The following KCNH4 variants were observed in gnomAD, a reference collection of about 807,000 sequenced individuals.
KCNH4 encodes the protein voltage-gated delayed rectifier potassium channel KCNH4.
A neutral mutation model predicts 90.7 loss-of-function variants in KCNH4; 33 were observed. That is an observed-to-expected ratio of 0.36 (90% CI 0.28 to 0.49). KCNH4 has a LOEUF of 0.49. KCNH4 is among the 20% of genes least tolerant of loss of function. The pLI is 0.98. For missense variants in KCNH4, 1,044 were observed against 1,387.1 expected, an observed-to-expected ratio of 0.75 and a Z score of 3.93; for synonymous variants, 551 against 581.7, an observed-to-expected ratio of 0.95 and a Z score of 0.76.
chr17:42,167,590 C>G (rs1478080182), intron 9 of KCNH4, among the ~76,000 whole-genome samples: 1 of 152,106 alleles, frequency 6.6e-6, no homozygotes, highest in African/African-American at 2.4e-5. Context: ...ATCTACCTAC[C>G]GGGCAGCCTC....
chr17:42,176,788 G>A (rs2079865151), intron 4 of KCNH4, among the ~76,000 whole-genome samples: 1 of 152,054 alleles, frequency 6.6e-6, no homozygotes, highest in Non-Finnish European at 1.5e-5. Flanking sequence ...CTCCCAAAGT[G>A]CTAGGATTAC....
At chr17:42,173,794 G>T (rs949267439) in intron 6 of KCNH4, among the ~76,000 whole-genome samples, 1 of 128,372 alleles carries the variant, frequency 7.8e-6, no homozygotes, top group Non-Finnish European at 1.6e-5. Context: ...TCTGCCTCCC[G>T]GGTTCAGACC....
At chr17:42,165,127 A>AAAAAAC (rs957103878) in intron 11 of KCNH4, among the ~76,000 whole-genome samples, 3 of 151,972 alleles carry the variant, frequency 2.0e-5, no homozygotes, top group East Asian at 3.9e-4. Context: ...ACAAAACCCA[A>AAAAAAC]AAAAACAAAA....
At chr17:42,173,207 G>A (rs1046945193) in intron 6 of KCNH4, among the ~76,000 whole-genome samples, 2 of 151,984 alleles carry the variant, frequency 1.3e-5, no homozygotes, top group Non-Finnish European at 2.9e-5. Context: ...AGTGCCTGGG[G>A]AACTTGGTAT....
chr17:42,159,255 G>T (rs1267079434), intron 16 of KCNH4, among the ~76,000 whole-genome samples: 1 of 152,188 alleles, frequency 6.6e-6, no homozygotes, highest in East Asian at 1.9e-4. Flanking sequence ...TCGAACTCCT[G>T]ACCTCAGGTG....
chr17:42,178,616 C>G (rs1422230697), intron 2 of KCNH4, 139 bp from the exon 3 acceptor site: 12 of 1,234,884 alleles, frequency 9.7e-6, no homozygotes, highest in African/African-American at 6.1e-5. Flanking sequence ...ATTCTGTCAG[C>G]CGATTCCTTC....
At position 42,180,172 on chromosome 17, in the gene KCNH4, C is replaced by G. The variant is rs2079891260; in HGVS notation, c.76+698G>C. On this transcript the variant is annotated intron_variant, in intron 1 of 16. Coordinates refer to ENST00000264661, the MANE Select transcript of KCNH4 (RefSeq NM_012285.3). This position sits in a 1 kb window ranked among gnomAD's most constrained non-coding sequence, Gnocchi z 4.7. ...TACCGCTCCCCCACCATCCAGATCCCGGCCAGGGTTCCCGAGGGAATGGCG... is the reference window on the plus strand; with the variant it reads ...TACCGCTCCCCCACCATCCAGATCCGGGCCAGGGTTCCCGAGGGAATGGCG... 1.3e-5 allele frequency among the ~76,000 whole-genome samples: 2 copies of G among 152,190 alleles called. 1 individual carries two copies. The highest frequency in any genetic ancestry group is 4.1e-4 in the South Asian group (2 of 4,830).
intron 16 of KCNH4, among the ~76,000 whole-genome samples, chr17:42,159,188 C>T (rs1256944272): frequency 5.3e-5 from 8 of 151,922 alleles, no homozygotes; most frequent in African/African-American, 7.3e-5. Flanking sequence ...CCACCATGCC[C>T]GGCTAATTTT....
rs2079896188 is a variant in KCNH4 at position 42,180,809 on chromosome 17, C to T, written c.76+61G>A. The T allele has an allele frequency of 6.6e-7, 1 of 1,520,944 alleles. No homozygotes were observed. Among genetic ancestry groups the T allele is most frequent in the Non-Finnish European group, 9.1e-7 (1 of 1,096,604 alleles). The allele number at this position is 1,520,944 out of a possible 1,614,324, so 94.2% of individuals were successfully genotyped here. The stretch of plus-strand genomic sequence containing the variant: ...CTCACCATGTCCAGGAGATCCGAGA[C>T]GGCCCCGAGGATACTTGCCCCCCAG... On this transcript the variant is annotated intron_variant, in intron 1 of 16. Transcript: ENST00000264661. This position sits in a 1 kb window ranked among gnomAD's most constrained non-coding sequence, Gnocchi z 4.7.
chr17:42,169,719 T>C, intron 8 of KCNH4, 43 bp from the exon 9 acceptor site: 2 of 1,593,790 alleles, frequency 1.3e-6, no homozygotes, highest in South Asian at 1.1e-5. Flanking sequence ...GCCACCCCTC[T>C]GGCCACCTCC....
At chr17:42,162,837 C>A (rs1209169124) in intron 14 of KCNH4, among the ~76,000 whole-genome samples, 4 of 152,112 alleles carry the variant, frequency 2.6e-5, no homozygotes, top group Non-Finnish European at 5.9e-5. Context: ...AGGTGATCCA[C>A]CCTCATCAGC....
chr17:42,179,760 T>A (rs2079888251), intron 1 of KCNH4, among the ~76,000 whole-genome samples: 1 of 152,232 alleles, frequency 6.6e-6, no homozygotes, highest in Admixed American at 6.5e-5. Flanking sequence ...TTCTTGTAGC[T>A]GCTTTCAGGG....
chr17:42,163,093 G>T lies in KCNH4; in HGVS notation c.2584+135C>A. The T allele has an allele frequency of 1.5e-6, 1 of 677,758 alleles. No individual in the cohort carries two copies. Among genetic ancestry groups the T allele is most frequent in the Non-Finnish European group, 2.7e-6 (1 of 369,860 alleles). 42.0% of individuals were successfully genotyped at this position (677,758 alleles called of 1,614,324 possible). A position where few individuals can be genotyped will look rare whatever the true frequency, so the allele number is the denominator to read the frequency against. On this transcript the variant is annotated intron_variant, in intron 14 of 16. Transcript: ENST00000264661. This position sits in a 1 kb window ranked among gnomAD's most constrained non-coding sequence, Gnocchi z 5.4. The stretch of plus-strand genomic sequence containing the variant: ...TCCCTGCTAGACTTACTCCAAGAGC[G>T]TGGGCCAGGTCTGTTTTATCTGTGT...
In KCNH4 at chr17:42,180,585, G is replaced by A. The variant is rs2079894584; in HGVS notation, c.76+285C>T. On this transcript the variant is annotated intron_variant, in intron 1 of 16. Transcript: ENST00000264661. This position sits in a 1 kb window ranked among gnomAD's most constrained non-coding sequence, Gnocchi z 4.7. ...GCCCCCAGCACAGCTCTGCCCGAGA[G>A]TGGGCGGCTCCGAAGGACCCTCCTC... Among the ~76,000 whole-genome samples, 1 of 151,928 alleles carries A rather than the reference G, an allele frequency of 6.6e-6. No homozygotes were observed. The highest frequency in any genetic ancestry group is 1.5e-5 in the Non-Finnish European group (1 of 67,964).
In KCNH4 at chr17:42,163,862, G is replaced by A; in HGVS notation, c.2221C>T (p.Arg741Ter). 1.3e-6 allele frequency: 2 copies of A among 1,513,904 alleles called. No individual in the cohort carries two copies. Among genetic ancestry groups the A allele is most frequent in the East Asian group, 2.4e-5 (1 of 41,144 alleles). 93.8% of individuals were successfully genotyped at this position (1,513,904 alleles called of 1,614,324 possible). A position where few individuals can be genotyped will look rare whatever the true frequency, so the allele number is the denominator to read the frequency against. Residue 741 changes from arginine (R) to a stop codon, truncating the protein, a stop_gained, in exon 13 of 17, where the codon CGA becomes TGA. Transcript: ENST00000264661. LOFTEE classifies it high-confidence loss of function. This position sits in a 1 kb window ranked among gnomAD's most constrained non-coding sequence, Gnocchi z 5.4. ...GAEPGGGPRP[R>*]RPLLLPNLSP... ...AGGTTGGGCAGCAGGAGGGGCCGTC[G>A]GGGCCTGGGACCACCCCCAGGCTCC...
At chr17:42,173,186 G>A (rs1009225999) in intron 6 of KCNH4, among the ~76,000 whole-genome samples, 1 of 152,046 alleles carries the variant, frequency 6.6e-6, no homozygotes, top group Non-Finnish European at 1.5e-5. Context: ...TAGGACTGGA[G>A]GCTCTGGGGC....
At chr17:42,159,011 C>CTGTATTCCTATA (rs1190089390) in intron 16 of KCNH4, among the ~76,000 whole-genome samples, 1 of 151,674 alleles carries the variant, frequency 6.6e-6, no homozygotes, top group African/African-American at 2.4e-5. Flanking sequence ...ATTGGAATAT[C>CTGTATTCCTATA]TGTATTCCTA....
In KCNH4 at chr17:42,176,227, A is replaced by C; in HGVS notation, c.656T>G (p.Leu219Arg). 6.2e-7 allele frequency: 1 copy of C among 1,613,790 alleles called. No homozygotes were observed. Among genetic ancestry groups the C allele is most frequent in the Non-Finnish European group, 8.5e-7 (1 of 1,179,918 alleles). The change falls in exon 5 of 17, where the codon CTC becomes CGC. Residue 219 changes from leucine to arginine, a missense_variant. Coordinates refer to ENST00000264661, the MANE Select transcript of KCNH4 (RefSeq NM_012285.3). ...GGCCTTGGAGACGCTGTAGTGGAGGAGGAGGCAGCGAGACCCCCCCACGGA... is the reference window on the plus strand; with the variant it reads ...GGCCTTGGAGACGCTGTAGTGGAGGCGGAGGCAGCGAGACCCCCCCACGGA... ...VASVGGSRCL[L>R]LHYSVSKAIW...
At chr17:42,169,772 G>C in intron 8 of KCNH4, 96 bp from the exon 9 acceptor site, 1 of 1,271,086 alleles carries the variant, frequency 7.9e-7, no homozygotes, top group Non-Finnish European at 1.1e-6. Flanking sequence ...GAGCCAGCGG[G>C]CTCCTGTGTG....
Sources: gnomAD v4.1 joint callset for allele counts (sites outside exome capture counted in the v4.1 genomes callset) on GRCh38, gnomAD v4.1.1 for gene constraint, Gnocchi (gnomAD v3.1) non-coding constraint, MANE v1.5 for transcripts, NCBI Gene and HGNC (gene_info 2026-07-23, HGNC 2026-07-21) for gene names.